Variants in RIMS1 observed in about 807,000 individuals in gnomAD.
The protein encoded by RIMS1 is regulating synaptic membrane exocytosis 1, also known as regulating synaptic membrane exocytosis protein 1.
Under a neutral mutation model 214.1 loss-of-function variants are expected in RIMS1, and 83 were observed. The ratio of observed to expected loss-of-function variants is 0.39; its 90% CI spans 0.32 to 0.47. RIMS1 has a LOEUF of 0.47. Ranked by LOEUF, RIMS1 falls within the 20% of genes least tolerant of loss-of-function variation. RIMS1 has a pLI of 0.99. For synonymous variants in RIMS1, 793 were observed against 786.8 expected (o/e 1.01, Z -0.13); for missense variants, 2,050 against 2,161.8 (o/e 0.95, Z 1.03).
intron 2 of RIMS1, among the ~76,000 whole-genome samples, chr6:72,031,879 G>A (rs1818211728): frequency 6.6e-6 from 1 of 152,098 alleles, no homozygotes; most frequent in African/African-American, 2.4e-5. Flanking sequence ...GAAGAGAAAG[G>A]TTTTGCCTTT....
At position 71,898,007 on chromosome 6, in the gene RIMS1, C is replaced by G. The variant is rs545950275; in HGVS notation, c.164+10820C>G. Among the ~76,000 whole-genome samples the G allele has an allele frequency of 2.0e-5, 3 of 152,086 alleles. No individual in the cohort carries two copies. In the East Asian group the frequency reaches 5.8e-4, roughly 29 times the overall value. ...TAGTTATCGAGAGAACCAGGTTGACCAGAACTTATGAGGAAAATATATTGG... is the reference window on the plus strand; with the variant it reads ...TAGTTATCGAGAGAACCAGGTTGACGAGAACTTATGAGGAAAATATATTGG... On this transcript the variant is annotated intron_variant, in intron 1 of 33. Transcript: ENST00000521978.
chr6:71,938,382 G>A (rs1395671272), intron 1 of RIMS1, among the ~76,000 whole-genome samples: 5 of 152,200 alleles, frequency 3.3e-5, no homozygotes, highest in African/African-American at 7.2e-5. Context: ...ACTTGGCATT[G>A]CCCTAGTAGG....
intron 2 of RIMS1, among the ~76,000 whole-genome samples, chr6:72,010,910 A>C (rs4707958): frequency 0.038 from 5,809 of 152,298 alleles, 241 homozygotes; most frequent in East Asian, 0.16. Context: ...TGCCCAAGGT[A>C]ATTTATAGAT....
chr6:72,231,813 T>C (rs2062075419), intron 6 of RIMS1, among the ~76,000 whole-genome samples: 1 of 151,610 alleles, frequency 6.6e-6, no homozygotes, highest in African/African-American at 2.4e-5. Flanking sequence ...GCAGATCGAA[T>C]ATTCACGAAT....
At chr6:72,185,627 A>G (rs2048990233) in intron 6 of RIMS1, among the ~76,000 whole-genome samples, 1 of 152,258 alleles carries the variant, frequency 6.6e-6, no homozygotes, top group Admixed American at 6.5e-5. Context: ...CCTGTTGTTC[A>G]GGACTCCTTT....
chr6:72,364,498 A>G (rs2097922630), intron 29 of RIMS1, among the ~76,000 whole-genome samples: 1 of 152,176 alleles, frequency 6.6e-6, no homozygotes, highest in Non-Finnish European at 1.5e-5. Flanking sequence ...ATAAAATACT[A>G]ATCAATTGAC....
intron 6 of RIMS1, among the ~76,000 whole-genome samples, chr6:72,203,050 C>T (rs777007784): frequency 3.3e-5 from 5 of 152,018 alleles, no homozygotes; most frequent in African/African-American, 9.7e-5. Context: ...TGTGGTGGTG[C>T]GATCCCGACT....
At chr6:72,148,816 G>A (rs1019151004) in intron 4 of RIMS1, among the ~76,000 whole-genome samples, 2 of 151,946 alleles carry the variant, frequency 1.3e-5, no homozygotes, top group African/African-American at 4.8e-5. Context: ...TAAGTCCAAG[G>A]TGACCCTCAT....
rs145693298 is a variant in RIMS1 at position 72,067,511 on chromosome 6, T to G, written c.246-29438T>G. 5.9e-5 allele frequency among the ~76,000 whole-genome samples: 9 copies of G among 152,288 alleles called. No homozygotes were observed. In the East Asian group the frequency reaches 1.7e-3, roughly 29 times the overall value. On this transcript the variant is annotated intron_variant, in intron 2 of 33. Coordinates refer to ENST00000521978, the MANE Select transcript of RIMS1 (RefSeq NM_014989.7). ...GCTGGTCAGGACTTTTTAGGATAAT[T>G]TATCTAAAACTGCCCTCCCACATGC...
At chr6:72,062,173 T>C (rs1828036561) in intron 2 of RIMS1, among the ~76,000 whole-genome samples, 1 of 152,226 alleles carries the variant, frequency 6.6e-6, no homozygotes. Context: ...TTTCTTAATA[T>C]TTTATATTTT....
At chr6:71,892,581 C>T (rs988928123) in intron 1 of RIMS1, among the ~76,000 whole-genome samples, 1 of 152,094 alleles carries the variant, frequency 6.6e-6, no homozygotes, top group Non-Finnish European at 1.5e-5. Flanking sequence ...TCCTTATCTG[C>T]TTGCTGTTTT....
At chr6:72,280,789 G>T (rs1190869797) in intron 23 of RIMS1, among the ~76,000 whole-genome samples, 1 of 152,036 alleles carries the variant, frequency 6.6e-6, no homozygotes, top group Non-Finnish European at 1.5e-5. Context: ...AGATGAGTAA[G>T]AAAACCCTTT....
At chr6:72,002,700 G>A (rs957825325) in intron 2 of RIMS1, among the ~76,000 whole-genome samples, 9 of 152,174 alleles carry the variant, frequency 5.9e-5, no homozygotes, top group African/African-American at 1.9e-4. Context: ...TGTGAACGGG[G>A]AACTCAGGGC....
At chr6:72,168,532 T>C (rs1025456449) in intron 4 of RIMS1, among the ~76,000 whole-genome samples, 2 of 152,132 alleles carry the variant, frequency 1.3e-5, no homozygotes, top group Admixed American at 6.5e-5. Context: ...GAGGGGAACA[T>C]GCACAGTGTG....
intron 4 of RIMS1, among the ~76,000 whole-genome samples, chr6:72,108,188 T>C (rs12213714): frequency 0.14 from 22,020 of 152,032 alleles, 1,774 homozygotes; most frequent in East Asian, 0.33. Context: ...GGGACTGAGG[T>C]GGCTGAGGCC....
intron 2 of RIMS1, among the ~76,000 whole-genome samples, chr6:72,042,821 G>C (rs1028941604): frequency 6.6e-6 from 1 of 151,712 alleles, no homozygotes; most frequent in African/African-American, 2.4e-5. Flanking sequence ...ACTTAAAAAT[G>C]GGTCCCCAGA....
chr6:72,149,933 G>T (rs920964448), intron 4 of RIMS1, among the ~76,000 whole-genome samples: 10 of 152,178 alleles, frequency 6.6e-5, no homozygotes, highest in Non-Finnish European at 1.5e-4. Context: ...GCATGACCTA[G>T]CCTGCCTGTT....
chr6:72,164,382 C>G (rs1044257538), intron 4 of RIMS1, among the ~76,000 whole-genome samples: 3 of 152,104 alleles, frequency 2.0e-5, no homozygotes, highest in Non-Finnish European at 4.4e-5. Flanking sequence ...ACACTCGGTG[C>G]ACTGCACCCA....
intron 1 of RIMS1, among the ~76,000 whole-genome samples, chr6:71,953,753 A>G (rs1233877536): frequency 1.3e-5 from 2 of 152,202 alleles, no homozygotes; most frequent in African/African-American, 4.8e-5. Context: ...TTCTCAAACC[A>G]CTTAGGGCTG....
Sources: allele counts gnomAD v4.1 joint callset (sites outside exome capture counted in the v4.1 genomes callset), GRCh38; gene constraint gnomAD v4.1.1; transcripts MANE v1.5; gene names NCBI Gene and HGNC (gene_info 2026-07-23, HGNC 2026-07-21).